The following LRRTM4 variants were observed in gnomAD, a reference collection of about 807,000 sequenced individuals.
The protein encoded by LRRTM4 is leucine rich repeat transmembrane neuronal 4.
In LRRTM4, 25 loss-of-function variants were observed where a neutral mutation model predicts 47.6. That is an observed-to-expected ratio of 0.53 (90% CI 0.38 to 0.73). LRRTM4 has a LOEUF of 0.73. Ranked by LOEUF, LRRTM4 falls within the 30% of genes least tolerant of loss-of-function variation. LRRTM4 has a pLI of 0.00. For synonymous variants in LRRTM4, 311 were observed against 269.5 expected (o/e 1.15, Z -1.51); for missense variants, 638 against 713.4 (o/e 0.89, Z 1.20).
At chr2:77,120,230 G>A (rs867236235) in intron 3 of LRRTM4, among the ~76,000 whole-genome samples, 4 of 151,728 alleles carry the variant, frequency 2.6e-5, no homozygotes, top group Non-Finnish European at 4.4e-5. Context: ...TCCAGAGAGC[G>A]GGAATACATG....
At chr2:77,469,222 G>A (rs574635392) in intron 3 of LRRTM4, among the ~76,000 whole-genome samples, 3 of 152,354 alleles carry the variant, frequency 2.0e-5, no homozygotes, top group African/African-American at 7.2e-5. Context: ...TAACTGCAGA[G>A]TATGCCTGGG....
intron 3 of LRRTM4, among the ~76,000 whole-genome samples, chr2:76,820,705 ACTCT>A (rs1358599729): frequency 1.3e-5 from 2 of 150,226 alleles, no homozygotes; most frequent in East Asian, 3.9e-4. Context: ...AGAGGCTGAA[ACTCT>A]CTTCCCATTA....
chr2:76,793,487 A>T (rs55808616), intron 3 of LRRTM4, among the ~76,000 whole-genome samples: 87,345 of 151,958 alleles, frequency 0.57, 25,990 homozygotes, highest in East Asian at 0.76. Context: ...TAAGATAAGT[A>T]GGATTTTGAT....
chr2:76,836,504 T>C (rs1027614297), intron 3 of LRRTM4, among the ~76,000 whole-genome samples: 2 of 151,972 alleles, frequency 1.3e-5, no homozygotes, highest in African/African-American at 4.8e-5. Flanking sequence ...TCTCTTCTCT[T>C]GTCCTTCCCC....
chr2:76,761,371 T>C (rs1673248365), intron 3 of LRRTM4, among the ~76,000 whole-genome samples: 1 of 152,236 alleles, frequency 6.6e-6, no homozygotes, highest in Admixed American at 6.5e-5. Flanking sequence ...TGCTGGTGAT[T>C]AAACTGCTAT....
At chr2:77,083,576 G>C (rs1176678323) in intron 3 of LRRTM4, among the ~76,000 whole-genome samples, 2 of 151,962 alleles carry the variant, frequency 1.3e-5, no homozygotes, top group African/African-American at 4.8e-5. Flanking sequence ...TACTGTGTCT[G>C]AATATTAGAT....
intron 3 of LRRTM4, among the ~76,000 whole-genome samples, chr2:77,327,318 G>T (rs558226347): frequency 6.6e-6 from 1 of 152,252 alleles, no homozygotes; most frequent in Non-Finnish European, 1.5e-5. Context: ...TGCAAATTAT[G>T]TTTATATATA....
At chr2:76,986,688 C>A (rs1260994069) in intron 3 of LRRTM4, among the ~76,000 whole-genome samples, 6 of 151,884 alleles carry the variant, frequency 4.0e-5, no homozygotes, top group African/African-American at 1.4e-4. Context: ...AGAAAATCAA[C>A]AGGGAGAAAA....
chr2:77,056,310 G>A (rs1298940206), intron 3 of LRRTM4, among the ~76,000 whole-genome samples: 1 of 152,064 alleles, frequency 6.6e-6, no homozygotes, highest in Non-Finnish European at 1.5e-5. Context: ...TCAAGAATAA[G>A]ATTTTATTAA....
At chr2:77,404,094 T>C (rs900021474) in intron 3 of LRRTM4, among the ~76,000 whole-genome samples, 1 of 152,006 alleles carries the variant, frequency 6.6e-6, no homozygotes, top group African/African-American at 2.4e-5. Flanking sequence ...TGGATAAATA[T>C]GACAATATCA....
intron 3 of LRRTM4, among the ~76,000 whole-genome samples, chr2:77,469,255 C>T (rs1324521252): frequency 6.6e-6 from 1 of 152,186 alleles, no homozygotes; most frequent in African/African-American, 2.4e-5. Context: ...CAAGCGTTTG[C>T]CTCTGAAAGC....
chr2:76,930,113 A>T (rs945797603), intron 3 of LRRTM4, among the ~76,000 whole-genome samples: 20 of 152,116 alleles, frequency 1.3e-4, no homozygotes, highest in Admixed American at 5.9e-4. Flanking sequence ...CTAATGGTGT[A>T]ATTTCTAACA....
At chr2:77,344,746 C>G (rs1043570030) in intron 3 of LRRTM4, among the ~76,000 whole-genome samples, 1 of 151,190 alleles carries the variant, frequency 6.6e-6, no homozygotes, top group African/African-American at 2.4e-5. Flanking sequence ...GAGTTATATC[C>G]CAATCAAACC....
At position 77,521,837 on chromosome 2, in the gene LRRTM4, CAAA is replaced by C. The variant is rs5832290; in HGVS notation, c.-147-22_-147-20del. ...ATACAAACTTCCCCGAGAGGACAGG[CAAA>C]AAAAAAAAAAAAAAATACATATATA... On this transcript the variant is annotated intron_variant, in intron 1 of 3. Transcript: ENST00000409884. 4,319 of 154,702 alleles carry C rather than the reference CAAA, an allele frequency of 0.028. No individual in the cohort carries two copies. Among genetic ancestry groups the C allele is most frequent in the East Asian group, 0.054 (509 of 9,474 alleles). 9.6% of individuals were successfully genotyped at this position (154,702 alleles called of 1,614,324 possible). A position where few individuals can be genotyped will look rare whatever the true frequency, so the allele number is the denominator to read the frequency against.
At chr2:76,901,091 G>A (rs1396423682) in intron 3 of LRRTM4, among the ~76,000 whole-genome samples, 1 of 151,996 alleles carries the variant, frequency 6.6e-6, no homozygotes, top group Admixed American at 6.6e-5. Flanking sequence ...GGATGCGCAG[G>A]TTTGTTACAT....
chr2:76,879,285 C>T lies in LRRTM4; in HGVS notation c.1552-130369G>A, dbSNP rs1038080249. Among the ~76,000 whole-genome samples the T allele has an allele frequency of 2.6e-5, 4 of 152,168 alleles. No homozygotes were observed. In the East Asian group the frequency reaches 5.8e-4, roughly 22 times the overall value. On this transcript the variant is annotated intron_variant, in intron 3 of 3. Transcript: ENST00000409884. ...AAGTCAATGCCTGGCTTCAAAGCTTCGCCGGAAAGGGTGACTCTCTTGTTA... is the reference window on the plus strand; with the variant it reads ...AAGTCAATGCCTGGCTTCAAAGCTTTGCCGGAAAGGGTGACTCTCTTGTTA...
At chr2:77,158,711 T>C (rs188439334) in intron 3 of LRRTM4, among the ~76,000 whole-genome samples, 3 of 152,222 alleles carry the variant, frequency 2.0e-5, no homozygotes, top group Non-Finnish European at 4.4e-5. Flanking sequence ...TATTTTGTAC[T>C]AGAAAGTACA....
chr2:77,244,016 C>T lies in LRRTM4; in HGVS notation c.1551+274302G>A, dbSNP rs1297214676. Among the ~76,000 whole-genome samples, 7 of 127,016 alleles carry T rather than the reference C, an allele frequency of 5.5e-5. No individual in the cohort carries two copies. In the South Asian group the frequency reaches 8.3e-4, roughly 15 times the overall value. The allele number at this position is 127,016 out of a possible 152,430, so 83.3% of individuals were successfully genotyped here. ...ATTCCCACCTATGAGTGAGAATATGCGGTGTTTGGTTTTTTGTTCTTGCGA... is the reference window on the plus strand; with the variant it reads ...ATTCCCACCTATGAGTGAGAATATGTGGTGTTTGGTTTTTTGTTCTTGCGA... On this transcript the variant is annotated intron_variant, in intron 3 of 3. Transcript: ENST00000409884.
At position 77,286,509 on chromosome 2, in the gene LRRTM4, A is replaced by G. The variant is rs541245427; in HGVS notation, c.1551+231809T>C. 4.6e-5 allele frequency among the ~76,000 whole-genome samples: 7 copies of G among 151,942 alleles called. No homozygotes were observed. The East Asian group carries it at 1.4e-3, about 29-fold the overall frequency. On this transcript the variant is annotated intron_variant, in intron 3 of 3. Transcript: ENST00000409884. ...ATGTTAACTAACATTTTGGCCTTTA[A>G]GCATCTACTATTTTAGCATTATAAA...
Sources: gnomAD v4.1 joint callset for allele counts (sites outside exome capture counted in the v4.1 genomes callset) on GRCh38, gnomAD v4.1.1 for gene constraint, MANE v1.5 for transcripts, NCBI Gene and HGNC (gene_info 2026-07-23, HGNC 2026-07-21) for gene names.